FAM50A: variants seen among roughly 807,000 people sequenced by gnomAD.
FAM50A encodes protein FAM50A.
In FAM50A, 6 loss-of-function variants were observed where a neutral mutation model predicts 35.5. The observed-to-expected ratio is 0.17, with a 90% confidence interval of 0.09 to 0.33. The LOEUF (loss-of-function observed/expected upper bound fraction) is 0.33, where lower values mean the gene tolerates loss of function less well. Ranked by LOEUF, FAM50A falls within the 10% of genes least tolerant of loss-of-function variation. The pLI is 1.00. For missense variants in FAM50A, 145 were observed against 295.5 expected, an observed-to-expected ratio of 0.49 and a Z score of 3.73; for synonymous variants, 120 against 110.9, an observed-to-expected ratio of 1.08 and a Z score of -0.52.
In FAM50A at chrX:154,450,021, C is replaced by T; in HGVS notation, c.830-8C>T. 1 of 1,210,792 alleles carries T rather than the reference C, an allele frequency of 8.3e-7. No homozygotes were observed. The highest frequency in any genetic ancestry group is 2.3e-4 in the Middle Eastern group (1 of 4,350). ...GCGGGACATTGGGCTGTCACTTCTC[C>T]CCTGCAGGACCACTCTTCAACTTTG... On this transcript the variant is annotated splice_region_variant and splice_polypyrimidine_tract_variant and intron_variant, in intron 10 of 12. Coordinates refer to ENST00000393600, the MANE Select transcript of FAM50A (RefSeq NM_004699.4).
At chrX:154,449,085 C>G (rs1557200175) in intron 7 of FAM50A, 131 bp downstream of exon 7, 7 of 895,673 alleles carry the variant, frequency 7.8e-6, no homozygotes, top group Non-Finnish European at 1.1e-5. Flanking sequence ...GGGCCTGGCC[C>G]CCTGTCTGGG....
intron 4 of FAM50A, among the ~76,000 whole-genome samples, 186 bp downstream of exon 4, chrX:154,446,746 T>C (rs2068784100): frequency 8.9e-6 from 1 of 112,087 alleles, no homozygotes; most frequent in Non-Finnish European, 1.9e-5. Context: ...GCACATTTTC[T>C]GTGATGATGG....
At position 154,448,072 on chromosome X, in the gene FAM50A, C is replaced by CTTTTTTTTTTTTTTTTTTTT. The variant is rs781847663; in HGVS notation, c.443-398_443-397insTTTTTTTTTTTTTTTTTTTT. Among the ~76,000 whole-genome samples the CTTTTTTTTTTTTTTTTTTTT allele has an allele frequency of 3.3e-3, 270 of 82,787 alleles. 19 individuals are homozygous for CTTTTTTTTTTTTTTTTTTTT. Among genetic ancestry groups the CTTTTTTTTTTTTTTTTTTTT allele is most frequent in the African/African-American group, 8.2e-3 (148 of 17,993 alleles). The allele number at this position is 82,787 out of a possible 115,157, so 71.9% of individuals were successfully genotyped here. ...TGTTGTTCTTTTCTTTTTTTTCTTTCTTTTTTTTTTTTTTGAGATGAGGTC... is the reference window on the plus strand; with the variant it reads ...TGTTGTTCTTTTCTTTTTTTTCTTTCTTTTTTTTTTTTTTTTTTTTTTTTTTTTTTTTTTGAGATGAGGTC... On this transcript the variant is annotated intron_variant, in intron 4 of 12. Transcript: ENST00000393600.
intron 4 of FAM50A, among the ~76,000 whole-genome samples, chrX:154,447,739 C>A (rs147655306): frequency 0.075 from 8,321 of 110,762 alleles, 768 homozygotes; most frequent in African/African-American, 0.26. Context: ...CTCAAGGGAC[C>A]CTCCCACCTC....
At chrX:154,449,649 C>T (rs910105699) in intron 8 of FAM50A, 32 bp from the exon 9 acceptor site, 73 of 1,187,788 alleles carry the variant, frequency 6.1e-5, no homozygotes, top group Non-Finnish European at 8.2e-5. Context: ...GTGCTGTCCT[C>T]TTGCCCACGC....
intron 8 of FAM50A, 27 bp downstream of exon 8, chrX:154,449,324 G>A: frequency 1.8e-6 from 2 of 1,135,433 alleles, no homozygotes; most frequent in Non-Finnish European, 1.2e-6. Context: ...TGTGCACGGT[G>A]GTGTGTGTGG....
At position 154,448,573 on chromosome X, in the gene FAM50A, T is replaced by TGGCCCTGACCCCGGCCTCGACTCC. The variant is rs1557200091; in HGVS notation, c.519+14_519+37dup. 1.7e-6 allele frequency: 2 copies of TGGCCCTGACCCCGGCCTCGACTCC among 1,201,483 alleles called. No individual in the cohort carries two copies. The highest frequency in any genetic ancestry group is 2.3e-6 in the Non-Finnish European group (2 of 886,440). On this transcript the variant is annotated intron_variant, in intron 5 of 12. Coordinates refer to ENST00000393600, the MANE Select transcript of FAM50A (RefSeq NM_004699.4). Reference sequence around the variant, plus strand: ...TCGAGACCGTGAGGTAAAGGCTGCCTGGCCCTGACCCCGGCCTCGACTCCA... The same window carrying TGGCCCTGACCCCGGCCTCGACTCC: ...TCGAGACCGTGAGGTAAAGGCTGCCTGGCCCTGACCCCGGCCTCGACTCCGGCCCTGACCCCGGCCTCGACTCCA...
At chrX:154,445,072 T>C (rs1291951649) in intron 1 of FAM50A, among the ~76,000 whole-genome samples, 2 of 111,257 alleles carry the variant, frequency 1.8e-5, no homozygotes, top group Non-Finnish European at 3.8e-5. Flanking sequence ...CAAGTCCTCA[T>C]GCCCTGGCCG....
intron 4 of FAM50A, among the ~76,000 whole-genome samples, chrX:154,447,863 C>A (rs1270901499): frequency 9.1e-6 from 1 of 109,967 alleles, no homozygotes; most frequent in Non-Finnish European, 1.9e-5. Flanking sequence ...CTGGCGTGGA[C>A]AGTGCAGGCC....
rs1187988007 is a variant in FAM50A, at chrX:154,445,736, C to A, written c.196+19C>A. On this transcript the variant is annotated intron_variant, in intron 2 of 12. Transcript: ENST00000393600. ...ACCGTGGGTGAGCAGGGTGCGGGTG[C>A]CCCTCACCCGGGCCCCGGGCCACTC... 3 of 1,188,686 alleles carry A rather than the reference C, an allele frequency of 2.5e-6. No individual in the cohort carries two copies. In the African/African-American group the frequency reaches 5.3e-5, roughly 21 times the overall value.
At chrX:154,444,959 G>A (rs1223174271) in intron 1 of FAM50A, 2 of 112,204 alleles carry the variant, frequency 1.8e-5, no homozygotes, top group South Asian at 3.7e-4. Context: ...GGAGGAGCTT[G>A]ATCCTTTTGG....
chrX:154,449,151 C>G, intron 7 of FAM50A, 70 bp from the exon 8 acceptor site: 10 of 1,019,546 alleles, frequency 9.8e-6, no homozygotes, highest in Non-Finnish European at 1.4e-5. Context: ...CCCTCTGGGC[C>G]TCTGCCTTGT....
rs782659963 is a variant in FAM50A at position 154,448,740 on chromosome X, G to A, written c.570G>A (p.Lys190=). The change falls in exon 6 of 13, where the codon AAG becomes AAA. Residue 190 remains lysine, a synonymous_variant. Transcript: ENST00000393600. The part of the protein sequence containing the change: ...REELRQEWEA[K]QEKIKSEEIE... ...AGCTGCGGCAGGAGTGGGAAGCCAA[G>A]CAGGAGAAGATCAAGAGTGAGTGTT... The A allele has an allele frequency of 2.6e-5, 31 of 1,210,185 alleles. No homozygotes were observed. Among genetic ancestry groups the A allele is most frequent in the Non-Finnish European group, 3.5e-5 (31 of 894,848 alleles).
intron 12 of FAM50A, 45 bp from the exon 13 acceptor site, chrX:154,450,379 C>T (rs1557200417): frequency 8.3e-7 from 1 of 1,210,117 alleles, no homozygotes; most frequent in Admixed American, 2.2e-5. Flanking sequence ...CCCTGCTCAC[C>T]CCTCGCCTTC....
At chrX:154,449,129 C>T (rs1292037728) in intron 7 of FAM50A, 92 bp from the exon 8 acceptor site, 44 of 914,170 alleles carry the variant, frequency 4.8e-5, no homozygotes, top group Non-Finnish European at 6.1e-5. Context: ...GGCTCTGCAG[C>T]GTCTGGCAGG....
In FAM50A at chrX:154,446,551, G is replaced by A. The variant is rs1279094837; in HGVS notation, c.433G>A (p.Glu145Lys). 13 of 1,167,433 alleles carry A rather than the reference G, an allele frequency of 1.1e-5. No homozygotes were observed. The highest frequency in any genetic ancestry group is 2.0e-5 in the South Asian group (1 of 50,910). Residue 145 changes from glutamate to lysine, a missense_variant, in exon 4 of 13, where the codon GAA becomes AAA. Transcript: ENST00000393600. ...EEAAMYEEEM[E>K]REEITTKKRK... is the part of the protein sequence containing the mutation. ...GGCGGCCATGTATGAGGAGGAGATG[G>A]AAAGGGAAGGTGAGGGCTGGCTTGA...
Position 154,444,209 on chromosome X carries a change from G to GCCGCCGC in FAM50A, c.-25_-19dup. The GCCGCCGC allele has an allele frequency of 1.4e-6, 1 of 705,547 alleles. No individual in the cohort carries two copies. Among genetic ancestry groups the GCCGCCGC allele is most frequent in the African/African-American group, 2.4e-5 (1 of 41,888 alleles). The allele number at this position is 705,547 out of a possible 1,213,427, so 58.1% of individuals were successfully genotyped here. ...GCTGTCGCCGCCGCCGCCGCCCGCC[G>GCCGCCGC]CCGCCGCCGCCGCCGCCGCCGCTGC... On this transcript the variant is annotated 5_prime_UTR_variant, in exon 1 of 13. Transcript: ENST00000393600.
At position 154,444,328 on chromosome X, in the gene FAM50A, G is replaced by A. The variant is rs1557199536; in HGVS notation, c.93G>A (p.Met31Ile). 1 of 1,114,073 alleles carries A rather than the reference G, an allele frequency of 9.0e-7. No homozygotes were observed. The highest frequency in any genetic ancestry group is 2.0e-5 in the South Asian group (1 of 49,441). 91.8% of individuals were successfully genotyped at this position (1,114,073 alleles called of 1,213,427 possible). Residue 31 changes from methionine to isoleucine, a missense_variant, in exon 1 of 13, where the codon ATG (methionine) becomes ATA (isoleucine). Met to Ile is a conservative substitution (Grantham distance 10). This residue lies in a region of FAM50A where 19 missense variants were observed against 16.3 expected (regional missense o/e 1.17). Transcript: ENST00000393600. ...REKQREQMEQ[M>I]KQRIAEENIM... ...AGCAGCGCGAGCAGATGGAGCAGAT[G>A]AAGCAGCGCATCGCGGAGGTGCGAG...
At chrX:154,448,842 C>T in intron 6 of FAM50A, 51 bp from the exon 7 acceptor site, 2 of 1,194,913 alleles carry the variant, frequency 1.7e-6, no homozygotes, top group Non-Finnish European at 2.3e-6. Context: ...CGCTGAGCCC[C>T]AAGGCTGCTC....
Sources: gnomAD v4.1 joint callset for allele counts (sites outside exome capture counted in the v4.1 genomes callset) on GRCh38, gnomAD v4.1.1 for gene constraint, gnomAD v4.1.1 regional missense constraint, MANE v1.5 for transcripts, NCBI Gene and HGNC (gene_info 2026-07-23, HGNC 2026-07-21) for gene names.